Variants in CLOCK observed in about 807,000 individuals in gnomAD.
The protein encoded by CLOCK is circadian locomoter output cycles protein kaput.
CLOCK carries 43 observed loss-of-function variants against 118.4 expected under a neutral mutation model. The ratio of observed to expected loss-of-function variants is 0.36; its 90% CI spans 0.28 to 0.47. The LOEUF (loss-of-function observed/expected upper bound fraction) is 0.47, where lower values mean the gene tolerates loss of function less well. Ranked by LOEUF, CLOCK falls within the 20% of genes least tolerant of loss-of-function variation. CLOCK has a pLI of 1.00. For synonymous variants in CLOCK, 326 were observed against 339.2 expected, an observed-to-expected ratio of 0.96 and a Z score of 0.43; for missense variants, 846 against 999.9, an observed-to-expected ratio of 0.85 and a Z score of 2.08.
chr4:55,468,022 AG>A (rs1287228689), intron 8 of CLOCK, among the ~76,000 whole-genome samples: 1 of 152,212 alleles, frequency 6.6e-6, no homozygotes, highest in Non-Finnish European at 1.5e-5. Flanking sequence ...TAAGGTATGA[AG>A]TATCAGAGTA....
chr4:55,537,582 GC>G (rs1385585141), intron 1 of CLOCK, among the ~76,000 whole-genome samples: 1 of 152,042 alleles, frequency 6.6e-6, no homozygotes, highest in East Asian at 1.9e-4. Flanking sequence ...TTGGGCCACT[GC>G]ACTAAAGCCT....
intron 9 of CLOCK, among the ~76,000 whole-genome samples, chr4:55,461,466 A>C (rs903772901): frequency 3.9e-5 from 6 of 152,200 alleles, no homozygotes; most frequent in Non-Finnish European, 8.8e-5. Flanking sequence ...TTACAGGAAA[A>C]GTAGTCATAG....
chr4:55,524,361 T>C (rs925629638), intron 1 of CLOCK, among the ~76,000 whole-genome samples: 1 of 151,554 alleles, frequency 6.6e-6, no homozygotes, highest in Non-Finnish European at 1.5e-5. Flanking sequence ...ATCACACCAC[T>C]GCACTCCAGC....
intron 3 of CLOCK, among the ~76,000 whole-genome samples, chr4:55,488,148 T>C (rs1426973060): frequency 1.3e-5 from 2 of 152,218 alleles, no homozygotes; most frequent in Admixed American, 1.3e-4. Context: ...CAATATGTGA[T>C]GTAGACGACC....
chr4:55,474,853 G>A (rs377080523), intron 7 of CLOCK, among the ~76,000 whole-genome samples: 17 of 152,138 alleles, frequency 1.1e-4, no homozygotes, highest in African/African-American at 3.4e-4. Context: ...ACTATTGCTC[G>A]CTGACAATGT....
intron 1 of CLOCK, among the ~76,000 whole-genome samples, chr4:55,519,908 C>G (rs1220465997): frequency 6.6e-6 from 1 of 152,140 alleles, no homozygotes; most frequent in East Asian, 1.9e-4. Flanking sequence ...AAATGGGATG[C>G]TTCTCCTTGC....
rs556227593 is a variant in CLOCK, at chr4:55,524,248, A to C, written c.-289-14183T>G. Among the ~76,000 whole-genome samples, 87 of 151,956 alleles carry C rather than the reference A, an allele frequency of 5.7e-4. No homozygotes were observed. The South Asian group carries it at 7.3e-3, about 13-fold the overall frequency. On this transcript the variant is annotated intron_variant, in intron 1 of 22. Coordinates refer to ENST00000513440, the MANE Select transcript of CLOCK (RefSeq NM_004898.4). ...TACTAAAAATACACACACACACAAA[A>C]AAAATTAGCTGAGCATGGTGGCACC...
At chr4:55,500,008 T>G (rs1265878152) in intron 2 of CLOCK, among the ~76,000 whole-genome samples, 1 of 152,074 alleles carries the variant, frequency 6.6e-6, no homozygotes. Context: ...TATACCACTA[T>G]GGCAATGTAA....
Position 55,434,269 on chromosome 4 carries a change from A to C in CLOCK, c.*1146T>G, listed in dbSNP as rs1431472179. 6.6e-6 allele frequency: 1 copy of C among 152,658 alleles called. No homozygotes were observed. The highest frequency in any genetic ancestry group is 1.5e-5 in the Non-Finnish European group (1 of 68,046). 9.5% of individuals were successfully genotyped at this position (152,658 alleles called of 1,614,324 possible). On this transcript the variant is annotated 3_prime_UTR_variant, in exon 23 of 23. Transcript: ENST00000513440. ...CATTTCTGACTAAAAGAAGCATTGA[A>C]ATTGTGAAGGATAATAAAAAAGATT...
chr4:55,506,876 T>G (rs1049940524), intron 2 of CLOCK, among the ~76,000 whole-genome samples: 3 of 152,216 alleles, frequency 2.0e-5, no homozygotes, highest in Admixed American at 6.5e-5. Context: ...TATATACATT[T>G]TAAAGCTTTA....
At chr4:55,482,278 A>G (rs1262559361) in intron 4 of CLOCK, among the ~76,000 whole-genome samples, 67 of 152,196 alleles carry the variant, frequency 4.4e-4, no homozygotes, top group Admixed American at 4.4e-3. Context: ...AAGTATTAAA[A>G]TCAAAGGAAT....
intron 1 of CLOCK, among the ~76,000 whole-genome samples, chr4:55,531,876 TAATG>T (rs1730576299): frequency 6.8e-6 from 1 of 146,584 alleles, no homozygotes; most frequent in Non-Finnish European, 1.5e-5. Context: ...GTAATAACCA[TAATG>T]AATAGTGATT....
At chr4:55,501,409 T>C (rs1167446153) in intron 2 of CLOCK, among the ~76,000 whole-genome samples, 2 of 152,312 alleles carry the variant, frequency 1.3e-5, no homozygotes, top group East Asian at 3.9e-4. Flanking sequence ...TATTTATTTA[T>C]ATTAAAATTT....
At chr4:55,542,917 A>T (rs1731377389) in intron 1 of CLOCK, among the ~76,000 whole-genome samples, 1 of 152,170 alleles carries the variant, frequency 6.6e-6, no homozygotes, top group Non-Finnish European at 1.5e-5. Context: ...TGGACTCTAA[A>T]GAGTCCTATA....
chr4:55,447,226 G>T (rs760783937), intron 18 of CLOCK, among the ~76,000 whole-genome samples: 14 of 152,098 alleles, frequency 9.2e-5, no homozygotes, highest in Non-Finnish European at 1.3e-4. Flanking sequence ...AACTAGCCGG[G>T]TGTGGTGGCA....
chr4:55,437,306 G>C (rs1722959924), intron 22 of CLOCK, among the ~76,000 whole-genome samples: 1 of 152,110 alleles, frequency 6.6e-6, no homozygotes, highest in Non-Finnish European at 1.5e-5. Flanking sequence ...TTGATGATAA[G>C]TGCCCAGCCT....
At position 55,445,254 on chromosome 4, in the gene CLOCK, T is replaced by A; in HGVS notation, c.1540-469A>T. On this transcript the variant is annotated intron_variant, in intron 18 of 22. Coordinates refer to ENST00000513440, the MANE Select transcript of CLOCK (RefSeq NM_004898.4). ...TAAAAAGCTTTGGATGGGAAGGACATTTCTCACTTTTACATACACCTGCCC... is the reference window on the plus strand; with the variant it reads ...TAAAAAGCTTTGGATGGGAAGGACAATTCTCACTTTTACATACACCTGCCC... Among the ~76,000 whole-genome samples the A allele has an allele frequency of 2.9e-5, 2 of 68,238 alleles. 1 individual carries two copies. Among genetic ancestry groups the A allele is most frequent in the African/African-American group, 7.5e-5 (2 of 26,758 alleles). 44.8% of individuals were successfully genotyped at this position (68,238 alleles called of 152,430 possible).
At chr4:55,443,506 A>G (rs911257096) in intron 20 of CLOCK, among the ~76,000 whole-genome samples, 181 bp downstream of exon 20, 1 of 152,126 alleles carries the variant, frequency 6.6e-6, no homozygotes, top group East Asian at 1.9e-4. Context: ...AAAAGCTGAA[A>G]ATATTTGATA....
At chr4:55,458,142 C>T (rs891138936) in intron 11 of CLOCK, among the ~76,000 whole-genome samples, 1 of 152,150 alleles carries the variant, frequency 6.6e-6, no homozygotes, top group Non-Finnish European at 1.5e-5. Context: ...TTCACTGCAG[C>T]CTCGACCTCC....
Sources: gnomAD v4.1 joint callset for allele counts (sites outside exome capture counted in the v4.1 genomes callset) on GRCh38, gnomAD v4.1.1 for gene constraint, MANE v1.5 for transcripts, NCBI Gene and HGNC (gene_info 2026-07-23, HGNC 2026-07-21) for gene names.